ASTN2: variants seen among roughly 807,000 people sequenced by gnomAD.
ASTN2 encodes the protein astrotactin-2.
Under a neutral mutation model 139.8 loss-of-function variants are expected in ASTN2, and 54 were observed. The ratio of observed to expected loss-of-function variants is 0.39; its 90% CI spans 0.31 to 0.48. ASTN2 has a LOEUF of 0.48. Ranked by LOEUF, ASTN2 falls within the 20% of genes least tolerant of loss-of-function variation. The probability of loss-of-function intolerance (pLI) is 0.95; values close to 1 mark genes in which losing one functional copy is unlikely to be tolerated. For missense variants in ASTN2, 1,565 were observed against 1,725.1 expected, an observed-to-expected ratio of 0.91 and a Z score of 1.64; for synonymous variants, 756 against 719.5, an observed-to-expected ratio of 1.05 and a Z score of -0.81.
At chr9:117,260,077 C>A (rs1475121180) in intron 2 of ASTN2, among the ~76,000 whole-genome samples, 1 of 151,976 alleles carries the variant, frequency 6.6e-6, no homozygotes, top group Non-Finnish European at 1.5e-5. Context: ...CCTTTTTCCC[C>A]AAGGTGTGAT....
At chr9:116,729,978 A>G (rs1828734051) in intron 14 of ASTN2, among the ~76,000 whole-genome samples, 1 of 152,240 alleles carries the variant, frequency 6.6e-6, no homozygotes, top group Non-Finnish European at 1.5e-5. Flanking sequence ...AAAAGACACA[A>G]CGAAGTGTTA....
At chr9:116,914,194 A>G (rs368373100) in intron 10 of ASTN2, among the ~76,000 whole-genome samples, 1 of 151,944 alleles carries the variant, frequency 6.6e-6, no homozygotes, top group East Asian at 1.9e-4. Context: ...AAGCTGAAGG[A>G]GAGTTGCTGT....
intron 10 of ASTN2, among the ~76,000 whole-genome samples, chr9:116,910,285 C>A (rs1027822361): frequency 1.3e-5 from 2 of 152,124 alleles, no homozygotes; most frequent in African/African-American, 2.4e-5. Flanking sequence ...TCTTCTGAAA[C>A]CTCTTTAAGC....
chr9:117,057,661 G>A (rs1223849957), intron 5 of ASTN2, among the ~76,000 whole-genome samples: 14 of 152,146 alleles, frequency 9.2e-5, no homozygotes, highest in Admixed American at 9.2e-4. Context: ...CAGCAGCCCT[G>A]GGAATCATAA....
At chr9:116,936,482 T>C (rs1038161918) in intron 10 of ASTN2, among the ~76,000 whole-genome samples, 6 of 152,152 alleles carry the variant, frequency 3.9e-5, no homozygotes, top group East Asian at 1.9e-4. Flanking sequence ...GTTAAGCAAT[T>C]TGCCCAAGGT....
intron 5 of ASTN2, among the ~76,000 whole-genome samples, chr9:117,061,655 T>A (rs1289783612): frequency 6.6e-6 from 1 of 152,180 alleles, no homozygotes; most frequent in African/African-American, 2.4e-5. Context: ...ATGCACAATA[T>A]CTTTGTTATA....
chr9:117,326,665 C>T (rs1046447111), intron 1 of ASTN2, among the ~76,000 whole-genome samples: 5 of 152,058 alleles, frequency 3.3e-5, no homozygotes, highest in African/African-American at 4.8e-5. Flanking sequence ...ATTGGGGATA[C>T]GAACACAGTC....
At chr9:116,695,434 A>G (rs803933) in intron 16 of ASTN2, among the ~76,000 whole-genome samples, 16,171 of 152,272 alleles carry the variant, frequency 0.11, 932 homozygotes, top group East Asian at 0.15. Flanking sequence ...CTGCTGCTAT[A>G]TATTTGTCAG....
Position 116,467,840 on chromosome 9 carries a change from T to C in ASTN2, c.3497+19519A>G, listed in dbSNP as rs533434221. On this transcript the variant is annotated intron_variant, in intron 20 of 22. Transcript: ENST00000313400. ...TTCAAGAAATGGTAGGGTAGGTAGTTGTTATCATTAGCAGGACTGTAGTGA... is the reference window on the plus strand; with the variant it reads ...TTCAAGAAATGGTAGGGTAGGTAGTCGTTATCATTAGCAGGACTGTAGTGA... Among the ~76,000 whole-genome samples the C allele has an allele frequency of 1.3e-5, 2 of 152,336 alleles. 1 individual carries two copies. The highest frequency in any genetic ancestry group is 4.1e-4 in the South Asian group (2 of 4,830).
chr9:117,106,288 G>A lies in ASTN2; in HGVS notation c.1169-10137C>T, dbSNP rs968281043. Among the ~76,000 whole-genome samples the A allele has an allele frequency of 7.3e-5, 11 of 151,718 alleles. No homozygotes were observed. The South Asian group carries it at 8.4e-4, about 12-fold the overall frequency. On this transcript the variant is annotated intron_variant, in intron 4 of 22. Transcript: ENST00000313400. Reference sequence around the variant, plus strand: ...GTAACCCAGGCTGGAGTGCAGTAGCGCAATCTCGGCTCACTGCAACCTCCG... The same window carrying A: ...GTAACCCAGGCTGGAGTGCAGTAGCACAATCTCGGCTCACTGCAACCTCCG...
intron 12 of ASTN2, among the ~76,000 whole-genome samples, chr9:116,810,667 T>A (rs1831139790): frequency 6.6e-6 from 1 of 152,212 alleles, no homozygotes; most frequent in Admixed American, 6.5e-5. Context: ...TTTTTCTAAA[T>A]GGAGAGCATA....
At chr9:116,783,049 G>A (rs1481732827) in intron 13 of ASTN2, among the ~76,000 whole-genome samples, 1 of 152,058 alleles carries the variant, frequency 6.6e-6, no homozygotes, top group Non-Finnish European at 1.5e-5. Context: ...GAGGACTTTG[G>A]ACAACAGTCA....
chr9:117,386,453 T>C (rs576960238), intron 1 of ASTN2, among the ~76,000 whole-genome samples: 4 of 152,292 alleles, frequency 2.6e-5, no homozygotes, highest in African/African-American at 9.6e-5. Context: ...CATGGTGCTC[T>C]TCTTAGCCAG....
chr9:116,854,651 C>CTCT (rs1554754443), intron 11 of ASTN2, among the ~76,000 whole-genome samples: 1 of 121,918 alleles, frequency 8.2e-6, no homozygotes, highest in African/African-American at 3.1e-5. Flanking sequence ...TTCCTTCTCT[C>CTCT]TTTTTTTTTT....
intron 10 of ASTN2, among the ~76,000 whole-genome samples, chr9:116,938,700 A>G (rs1017613752): frequency 6.6e-6 from 1 of 152,206 alleles, no homozygotes; most frequent in African/African-American, 2.4e-5. Flanking sequence ...ACAACACATT[A>G]TCTGGGCTTC....
Position 116,686,717 on chromosome 9 carries a change from G to C in ASTN2, c.2807-34924C>G, listed in dbSNP as rs1381957544. 3.9e-6 allele frequency: 6 copies of C among 1,550,378 alleles called. No individual in the cohort carries two copies. In the African/African-American group the frequency reaches 4.1e-5, roughly 11 times the overall value. ...GGTACCTTCAGTCTGCAGGGACAGGGGCTGCAGAGTGTACTCCCCAAGTCT... is the reference window on the plus strand; with the variant it reads ...GGTACCTTCAGTCTGCAGGGACAGGCGCTGCAGAGTGTACTCCCCAAGTCT... On this transcript the variant is annotated intron_variant, in intron 16 of 22. Transcript: ENST00000313400.
At chr9:117,328,850 T>C (rs920446663) in intron 1 of ASTN2, among the ~76,000 whole-genome samples, 7 of 152,112 alleles carry the variant, frequency 4.6e-5, no homozygotes, top group African/African-American at 1.4e-4. Context: ...AAATCCCCTA[T>C]AGAGTGGGTG....
chr9:117,304,034 A>G (rs1375913935), intron 1 of ASTN2, among the ~76,000 whole-genome samples: 2 of 152,192 alleles, frequency 1.3e-5, no homozygotes, highest in Admixed American at 1.3e-4. Context: ...TAACCACAGA[A>G]TATGTGAGAG....
At chr9:116,961,897 C>T (rs1193693148) in intron 10 of ASTN2, among the ~76,000 whole-genome samples, 1 of 152,222 alleles carries the variant, frequency 6.6e-6, no homozygotes, top group African/African-American at 2.4e-5. Context: ...TCTATTTACG[C>T]TAAATGCATC....
Sources: allele counts gnomAD v4.1 joint callset (sites outside exome capture counted in the v4.1 genomes callset), GRCh38; gene constraint gnomAD v4.1.1; transcripts MANE v1.5; gene names NCBI Gene and HGNC (gene_info 2026-07-23, HGNC 2026-07-21).